The following DMAC2L variants were observed in gnomAD, a reference collection of about 807,000 sequenced individuals.
The protein encoded by DMAC2L is ATP synthase subunit s, mitochondrial.
In DMAC2L, 21 loss-of-function variants were observed where a neutral mutation model predicts 22.5. That is an observed-to-expected ratio of 0.93 (90% CI 0.66 to 1.34). The LOEUF (loss-of-function observed/expected upper bound fraction) is 1.34. Ranked by LOEUF, DMAC2L falls within the 40% of genes most tolerant of loss-of-function variation. The probability of loss-of-function intolerance (pLI) is 0.00; values close to 1 mark genes in which losing one functional copy is unlikely to be tolerated. For missense variants in DMAC2L, 239 were observed against 246.5 expected, an observed-to-expected ratio of 0.97 and a Z score of 0.20; for synonymous variants, 86 against 89.5, an observed-to-expected ratio of 0.96 and a Z score of 0.22.
At chr14:50,319,309 G>T in intron 2 of DMAC2L, 1 of 1,536,110 alleles carries the variant, frequency 6.5e-7, no homozygotes, top group Non-Finnish European at 8.7e-7. Flanking sequence ...AGGGTAGTTG[G>T]TTCTGTCTTC....
At position 50,327,532 on chromosome 14, in the gene DMAC2L, C is replaced by G. The variant is rs2032755241; in HGVS notation, c.*1809C>G. The G allele has an allele frequency of 7.4e-6, 1 of 135,274 alleles. No individual in the cohort carries two copies. Among genetic ancestry groups the G allele is most frequent in the South Asian group, 2.4e-4 (1 of 4,122 alleles). 8.4% of individuals were successfully genotyped at this position (135,274 alleles called of 1,614,324 possible). On this transcript the variant is annotated 3_prime_UTR_variant, in exon 6 of 6. Transcript: ENST00000557421. Reference sequence around the variant, plus strand: ...CCAGGTTGGAGTGCAGTGGTGTGATCTCAGTTCACTGCAACCTCTGCCTCC... The same window carrying G: ...CCAGGTTGGAGTGCAGTGGTGTGATGTCAGTTCACTGCAACCTCTGCCTCC...
rs1241762302 is a variant in DMAC2L at position 50,314,581 on chromosome 14, G to C, written c.-41-10G>C. 1 of 455,598 alleles carries C rather than the reference G, an allele frequency of 2.2e-6. No homozygotes were observed. Among genetic ancestry groups the C allele is most frequent in the African/African-American group, 2.0e-5 (1 of 50,060 alleles). 28.2% of individuals were successfully genotyped at this position (455,598 alleles called of 1,614,324 possible). A position where few individuals can be genotyped will look rare whatever the true frequency, so the allele number is the denominator to read the frequency against. ...CAGCCTTTTGTGTGAACCTGTTTTTGTTTCTCTAGGATAAGTGCCCAAGAG... is the reference window on the plus strand; with the variant it reads ...CAGCCTTTTGTGTGAACCTGTTTTTCTTTCTCTAGGATAAGTGCCCAAGAG... On this transcript the variant is annotated splice_polypyrimidine_tract_variant and intron_variant, in intron 1 of 5. Transcript: ENST00000557421.
upstream of DMAC2L, chr14:50,312,214 A>T: frequency 6.3e-7 from 1 of 1,588,658 alleles, no homozygotes; most frequent in Non-Finnish European, 8.5e-7. Context: ...ACGGCCGAGG[A>T]CCCGCGCTCT....
At position 50,327,327 on chromosome 14, in the gene DMAC2L, C is replaced by T. The variant is rs1321145039; in HGVS notation, c.*1604C>T. 25 of 123,670 alleles carry T rather than the reference C, an allele frequency of 2.0e-4. No homozygotes were observed. The highest frequency in any genetic ancestry group is 7.1e-4 in the African/African-American group (24 of 33,632). The allele number at this position is 123,670 out of a possible 1,614,324, so 7.7% of individuals were successfully genotyped here. A position where few individuals can be genotyped will look rare whatever the true frequency, so the allele number is the denominator to read the frequency against. ...TCCAGCCTGGGCAACAGATTAAGAC[C>T]CTGTCTCAAAAAAAAAAAAAAAAGT... On this transcript the variant is annotated 3_prime_UTR_variant, in exon 6 of 6. Transcript: ENST00000557421.
At chr14:50,324,700 G>A (rs1381545686) in intron 5 of DMAC2L, 1 of 152,200 alleles carries the variant, frequency 6.6e-6, no homozygotes, top group African/African-American at 2.4e-5. Flanking sequence ...GATAATACTA[G>A]CAAGGAATGT....
At chr14:50,320,502 A>G (rs1042278740) in intron 2 of DMAC2L, among the ~76,000 whole-genome samples, 1 of 152,172 alleles carries the variant, frequency 6.6e-6, no homozygotes, top group African/African-American at 2.4e-5. Flanking sequence ...CTCATGACTC[A>G]CATGTGCTAG....
chr14:50,326,009 C>G lies in DMAC2L; in HGVS notation c.*286C>G. 5 of 846,684 alleles carry G rather than the reference C, an allele frequency of 5.9e-6. No individual in the cohort carries two copies. Among genetic ancestry groups the G allele is most frequent in the Non-Finnish European group, 7.3e-6 (5 of 686,056 alleles). 52.4% of individuals were successfully genotyped at this position (846,684 alleles called of 1,614,324 possible). ...CTTTGGGAGGCCAAAGCGGGCAGAT[C>G]ACCTGAGGTCAGGAGTTCAAGACCA... On this transcript the variant is annotated 3_prime_UTR_variant, in exon 6 of 6. Transcript: ENST00000557421.
chr14:50,325,652 G>A lies in DMAC2L; in HGVS notation c.532G>A (p.Glu178Lys). ...LLLSDLPGVR[E>K]KENLVQAFKT... ...GTTAAGTGATCTTCCTGGAGTAAGA[G>A]AAAAAGAAAATCTTGTCCAAGCCTT... is the stretch of plus-strand genomic sequence containing the variant. Residue 178 changes from glutamate to lysine, a missense_variant, in exon 6 of 6, where the codon GAA becomes AAA. Glu to Lys is a moderately conservative substitution (Grantham distance 56, BLOSUM62 1). Transcript: ENST00000557421. The A allele has an allele frequency of 6.2e-7, 1 of 1,612,732 alleles. No homozygotes were observed. Among genetic ancestry groups the A allele is most frequent in the Non-Finnish European group, 8.5e-7 (1 of 1,179,436 alleles).
chr14:50,320,998 C>T (rs1205965239), intron 2 of DMAC2L, among the ~76,000 whole-genome samples: 1 of 152,220 alleles, frequency 6.6e-6, no homozygotes, highest in Non-Finnish European at 1.5e-5. Flanking sequence ...TTTGTTTACA[C>T]TGCTCTGGTA....
intron 1 of DMAC2L, 149 bp from the exon 2 acceptor site, chr14:50,314,442 G>A (rs2031583519): frequency 2.3e-6 from 1 of 428,404 alleles, no homozygotes; most frequent in East Asian, 7.1e-5. Context: ...GTCTTTATCA[G>A]CAGTGTGAAA....
chr14:50,324,281 A>G (rs2032524014), intron 5 of DMAC2L, 165 bp downstream of exon 5: 1 of 599,442 alleles, frequency 1.7e-6, no homozygotes, highest in Non-Finnish European at 2.6e-6. Context: ...AAAATGATCA[A>G]CCTTAATACA....
chr14:50,321,315 C>T (rs1220898182), intron 2 of DMAC2L, 168 bp from the exon 3 acceptor site: 15 of 1,300,524 alleles, frequency 1.2e-5, no homozygotes, highest in Non-Finnish European at 1.5e-5. Context: ...TTGCAGCAAA[C>T]AAATAAAAAA....
intron 4 of DMAC2L, 47 bp downstream of exon 4, chr14:50,322,766 G>A: frequency 6.2e-7 from 1 of 1,610,956 alleles, no homozygotes; most frequent in Non-Finnish European, 8.5e-7. Context: ...ATGATTTGCA[G>A]TGACCATTTT....
intron 1 of DMAC2L, chr14:50,312,836 G>T: frequency 1.6e-6 from 1 of 638,698 alleles, no homozygotes; most frequent in East Asian, 2.6e-5. Context: ...GCAGTCTTCT[G>T]GACTTCTTTT....
intron 2 of DMAC2L, chr14:50,319,312 C>G: frequency 6.5e-7 from 1 of 1,536,106 alleles, no homozygotes; most frequent in Non-Finnish European, 8.7e-7. Flanking sequence ...GTAGTTGGTT[C>G]TGTCTTCAGT....
chr14:50,311,690 G>T (rs137864206), upstream of DMAC2L, among the ~76,000 whole-genome samples: 6 of 152,328 alleles, frequency 3.9e-5, no homozygotes, highest in East Asian at 1.2e-3. Flanking sequence ...ACCACCTACA[G>T]GAGAGACTAA....
At position 50,314,609 on chromosome 14, in the gene DMAC2L, C is replaced by T; in HGVS notation, c.-23C>T. On this transcript the variant is annotated 5_prime_UTR_variant, in exon 2 of 6. Transcript: ENST00000557421. ...TCTCTAGGATAAGTGCCCAAGAGTA[C>T]AATTGCTGGGTCATATGGTAAGTGC... is the stretch of plus-strand genomic sequence containing the variant. The T allele has an allele frequency of 2.2e-6, 1 of 455,294 alleles. No homozygotes were observed. Among genetic ancestry groups the T allele is most frequent in the Admixed American group, 2.3e-5 (1 of 42,564 alleles). The allele number at this position is 455,294 out of a possible 1,614,324, so 28.2% of individuals were successfully genotyped here.
At chr14:50,311,886 G>C (rs1470326215), upstream of DMAC2L, 2 of 1,301,948 alleles carry the variant, frequency 1.5e-6, no homozygotes, top group African/African-American at 2.9e-5. Context: ...AGGTTGGAGT[G>C]CCACAGGACC....
intron 5 of DMAC2L, among the ~76,000 whole-genome samples, chr14:50,325,279 G>C (rs1224399447): frequency 6.6e-6 from 1 of 152,202 alleles, no homozygotes; most frequent in East Asian, 1.9e-4. Flanking sequence ...TCATCTTTTA[G>C]TAGAAACTCT....
Sources: allele counts gnomAD v4.1 joint callset (sites outside exome capture counted in the v4.1 genomes callset), GRCh38; gene constraint gnomAD v4.1.1; transcripts MANE v1.5; gene names NCBI Gene and HGNC (gene_info 2026-07-23, HGNC 2026-07-21).